SLC4A4: variants seen among roughly 807,000 people sequenced by gnomAD.
The protein encoded by SLC4A4 is solute carrier family 4 member 4, also known as electrogenic sodium bicarbonate cotransporter 1.
A neutral mutation model predicts 111.5 loss-of-function variants in SLC4A4; 27 were observed. The observed-to-expected ratio is 0.24, with a 90% CI of 0.18 to 0.33. SLC4A4 has a LOEUF of 0.33. Ranked by LOEUF, SLC4A4 falls within the 10% of genes least tolerant of loss-of-function variation. The pLI is 1.00. For synonymous variants in SLC4A4, 443 were observed against 463.4 expected (o/e 0.96, Z 0.57); for missense variants, 909 against 1,315.5 (o/e 0.69, Z 4.78).
intron 1 of SLC4A4, chr4:71,236,086 G>C: frequency 2.0e-6 from 2 of 1,000,246 alleles, no homozygotes; most frequent in South Asian, 4.4e-5. Flanking sequence ...CCTCCCTGTC[G>C]CTCTCTGCGT....
chr4:71,368,441 A>G (rs867529274), intron 6 of SLC4A4, among the ~76,000 whole-genome samples: 7 of 151,964 alleles, frequency 4.6e-5, no homozygotes, highest in Non-Finnish European at 1.0e-4. Flanking sequence ...CCCCAGTCTT[A>G]TGTTTCTGAA....
intron 16 of SLC4A4, among the ~76,000 whole-genome samples, chr4:71,531,689 G>T (rs1267209292): frequency 6.6e-6 from 1 of 150,936 alleles, no homozygotes; most frequent in Non-Finnish European, 1.5e-5. Flanking sequence ...TGACCTTCAT[G>T]TTGCAAGCAG....
chr4:71,101,397 T>G (rs62302372), intron 2 of SLC4A4, among the ~76,000 whole-genome samples: 27 of 152,356 alleles, frequency 1.8e-4, no homozygotes, highest in Non-Finnish European at 3.4e-4. Context: ...ACAAATGACA[T>G]TCTTCACATC....
chr4:71,515,108 T>C (rs540244221), intron 16 of SLC4A4, among the ~76,000 whole-genome samples: 3 of 152,110 alleles, frequency 2.0e-5, no homozygotes, highest in South Asian at 2.1e-4. Flanking sequence ...TACTTATTTA[T>C]TTATTACTGT....
intron 3 of SLC4A4, among the ~76,000 whole-genome samples, chr4:71,287,807 A>T (rs1431993521): frequency 6.6e-6 from 1 of 152,210 alleles, no homozygotes; most frequent in East Asian, 1.9e-4. Context: ...TTTCCCCTGA[A>T]GCTGACTCTG....
intron 3 of SLC4A4, among the ~76,000 whole-genome samples, chr4:71,261,973 A>C (rs1302553715): frequency 1.3e-5 from 2 of 152,186 alleles, no homozygotes; most frequent in Non-Finnish European, 2.9e-5. Context: ...ACTGTGCAGA[A>C]TTTCAGTGTG....
In SLC4A4 at chr4:71,561,429, C is replaced by A. The variant is rs72854444; in HGVS notation, c.3099+1175C>A. 7.8e-3 allele frequency among the ~76,000 whole-genome samples: 1,179 copies of A among 151,910 alleles called. 16 individuals are homozygous for A. The highest frequency in any genetic ancestry group is 0.027 in the African/African-American group (1,104 of 41,506). On this transcript the variant is annotated intron_variant, in intron 23 of 25. Coordinates refer to ENST00000264485, the MANE Select transcript of SLC4A4 (RefSeq NM_001098484.3). ...CACAGCCATAGTGGCAAGGCCAAAACTCAAATCCAGGCCTCTCTGGTTATT... is the reference window on the plus strand; with the variant it reads ...CACAGCCATAGTGGCAAGGCCAAAAATCAAATCCAGGCCTCTCTGGTTATT...
intron 3 of SLC4A4, among the ~76,000 whole-genome samples, chr4:71,314,062 C>A (rs981198909): frequency 6.6e-6 from 1 of 151,736 alleles, no homozygotes; most frequent in Non-Finnish European, 1.5e-5. Flanking sequence ...GGAACTTAAA[C>A]AAATTTACAA....
intron 14 of SLC4A4, among the ~76,000 whole-genome samples, chr4:71,479,527 G>T (rs892968446): frequency 6.6e-6 from 1 of 151,608 alleles, no homozygotes; most frequent in Non-Finnish European, 1.5e-5. Context: ...TAATTAGAAA[G>T]CCCATTAAAA....
At chr4:71,397,109 GC>G (rs1012887528) in intron 6 of SLC4A4, among the ~76,000 whole-genome samples, 4 of 152,140 alleles carry the variant, frequency 2.6e-5, no homozygotes, top group Non-Finnish European at 4.4e-5. Flanking sequence ...TGAGTGGCAT[GC>G]TAGGAAGGGC....
At chr4:71,102,583 T>C (rs1742785328) in intron 2 of SLC4A4, among the ~76,000 whole-genome samples, 1 of 152,046 alleles carries the variant, frequency 6.6e-6, no homozygotes, top group Admixed American at 6.5e-5. Flanking sequence ...TGGCAGAAAC[T>C]CTACAAGCCA....
chr4:71,201,393 A>T (rs529177563), intron 1 of SLC4A4, among the ~76,000 whole-genome samples: 2 of 152,222 alleles, frequency 1.3e-5, no homozygotes, highest in East Asian at 3.9e-4. Context: ...GGCTAAGGTA[A>T]TTTCTAGAAC....
chr4:71,190,034 C>T (rs1745658082), intron 1 of SLC4A4, among the ~76,000 whole-genome samples: 1 of 152,022 alleles, frequency 6.6e-6, no homozygotes, highest in African/African-American at 2.4e-5. Context: ...CAACCTGTGA[C>T]TTATGAAATT....
intron 12 of SLC4A4, among the ~76,000 whole-genome samples, chr4:71,459,233 G>A (rs1288621071): frequency 6.6e-6 from 1 of 151,808 alleles, no homozygotes; most frequent in African/African-American, 2.4e-5. Flanking sequence ...CAGGGATGTG[G>A]GGAGTCTCAA....
chr4:71,443,647 T>C (rs1196059861), intron 8 of SLC4A4, among the ~76,000 whole-genome samples: 1 of 152,190 alleles, frequency 6.6e-6, no homozygotes, highest in Admixed American at 6.5e-5. Context: ...TTTAGGGTTC[T>C]CTTATAAAGA....
intron 15 of SLC4A4, among the ~76,000 whole-genome samples, chr4:71,488,192 TA>T (rs1264514661): frequency 6.7e-6 from 1 of 149,938 alleles, no homozygotes; most frequent in Non-Finnish European, 1.5e-5. Context: ...AATAAAAACA[TA>T]AGTTAATTTG....
At chr4:71,434,753 A>G (rs770337468) in intron 7 of SLC4A4, among the ~76,000 whole-genome samples, 10 of 152,190 alleles carry the variant, frequency 6.6e-5, no homozygotes, top group Admixed American at 6.5e-5. Flanking sequence ...TGCAAAAATC[A>G]CAAGCATTCC....
intron 2 of SLC4A4, among the ~76,000 whole-genome samples, chr4:71,167,465 G>C (rs927148438): frequency 2.0e-5 from 3 of 152,180 alleles, no homozygotes; most frequent in African/African-American, 7.2e-5. Context: ...CTTTTGAAAG[G>C]GGAGTGGCGA....
At chr4:71,150,138 A>G (rs1744275994) in intron 2 of SLC4A4, among the ~76,000 whole-genome samples, 1 of 152,176 alleles carries the variant, frequency 6.6e-6, no homozygotes, top group South Asian at 2.1e-4. Flanking sequence ...TATGTTATTA[A>G]TCTTTGGTAT....
Sources: gnomAD v4.1 joint callset for allele counts (sites outside exome capture counted in the v4.1 genomes callset) on GRCh38, gnomAD v4.1.1 for gene constraint, MANE v1.5 for transcripts, NCBI Gene and HGNC (gene_info 2026-07-23, HGNC 2026-07-21) for gene names.